Variants in PCLO observed in about 807,000 individuals in gnomAD.
PCLO encodes the protein piccolo presynaptic cytomatrix protein.
In PCLO, 82 loss-of-function variants were observed where a neutral mutation model predicts 427.5. That is an observed-to-expected ratio of 0.19 (90% confidence interval 0.16 to 0.23). The LOEUF (loss-of-function observed/expected upper bound fraction) is 0.23, where lower values mean the gene tolerates loss of function less well. PCLO is among the 10% of genes least tolerant of loss of function. The probability of loss-of-function intolerance (pLI) is 1.00; values close to 1 mark genes in which losing one functional copy is unlikely to be tolerated. For synonymous variants in PCLO, 2,357 were observed against 2,155.4 expected (o/e 1.09, Z -2.59); for missense variants, 6,239 against 6,115.9 (o/e 1.02, Z -0.67).
chr7:82,875,230 T>C (rs1027068591), intron 10 of PCLO, among the ~76,000 whole-genome samples: 5 of 152,126 alleles, frequency 3.3e-5, no homozygotes, highest in Non-Finnish European at 7.4e-5. Flanking sequence ...AACTAAAAAA[T>C]TGGTTCAGGA....
At chr7:82,843,003 A>C (rs2115790757) in intron 13 of PCLO, among the ~76,000 whole-genome samples, 1 of 152,134 alleles carries the variant, frequency 6.6e-6, no homozygotes, top group South Asian at 2.1e-4. Flanking sequence ...GAGGTTCCTC[A>C]AAAAAATTAA....
chr7:82,967,914 T>A (rs980492757), intron 3 of PCLO, among the ~76,000 whole-genome samples: 1 of 152,218 alleles, frequency 6.6e-6, no homozygotes, highest in East Asian at 1.9e-4. Flanking sequence ...ATGCATTACA[T>A]TGTGCTCTGA....
chr7:82,965,873 A>G lies in PCLO; in HGVS notation c.3915T>C (p.Ser1305=), dbSNP rs898410304. ...TTGTCTTATCATCTTCTTTAGGTAA[A>G]CTCTGAGGTGTGCCAGATGGTAAAC... is the stretch of plus-strand genomic sequence containing the variant. ...MEGLPSGTPQ[S]LPKEDDKTTK... is the part of the protein sequence containing the mutation. Residue 1305 remains serine, a synonymous_variant, in exon 4 of 25, where the codon AGT becomes AGC. Coordinates refer to ENST00000333891, the MANE Select transcript of PCLO (RefSeq NM_033026.6). The G allele has an allele frequency of 1.2e-6, 2 of 1,613,502 alleles. No homozygotes were observed. The highest frequency in any genetic ancestry group is 2.7e-5 in the African/African-American group (2 of 74,772).
chr7:82,914,954 A>G lies in PCLO; in HGVS notation c.13032T>C (p.Ile4344=), dbSNP rs1286399719. 6.2e-7 allele frequency: 1 copy of G among 1,613,574 alleles called. No homozygotes were observed. The part of the protein sequence containing the change: ...SARTKPTSLP[I]SQSRGRIPIV... ...TTGGTATTCTTCCTCTACTTTGACT[A>G]ATTGGCAAACTGGTCGGCTTAGTTC... Residue 4344 remains isoleucine (I), a synonymous_variant, in exon 7 of 25, where the codon ATT becomes ATC. Transcript: ENST00000333891.
At position 82,965,937 on chromosome 7, in the gene PCLO, G is replaced by A. The variant is rs758911938; in HGVS notation, c.3851C>T (p.Thr1284Ile). Residue 1284 changes from threonine to isoleucine, a missense_variant, in exon 4 of 25, where the codon ACA (threonine) becomes ATA (isoleucine). Thr to Ile is a moderately conservative substitution (Grantham distance 89, BLOSUM62 -1). Transcript: ENST00000333891. The part of the protein sequence containing the change: ...EKLEGRVAPK[T>I]VQEGKQPQTK... ...CTGTGGTTGTTTCCCTTCTTGCACT[G>A]TCTTTGGAGCCACTCTGCCTTCAAG... 4.3e-6 allele frequency: 7 copies of A among 1,613,904 alleles called. No individual in the cohort carries two copies. Among genetic ancestry groups the A allele is most frequent in the Admixed American group, 3.3e-5 (2 of 60,014 alleles).
At chr7:83,038,015 A>ATATATATC (rs1788847926) in intron 3 of PCLO, among the ~76,000 whole-genome samples, 2 of 47,894 alleles carry the variant, frequency 4.2e-5, no homozygotes, top group South Asian at 1.1e-3. Flanking sequence ...ATATATATAT[A>ATATATATC]TATATATATA....
At chr7:83,137,103 C>A (rs1295537854) in intron 2 of PCLO, among the ~76,000 whole-genome samples, 1 of 152,100 alleles carries the variant, frequency 6.6e-6, no homozygotes, top group African/African-American at 2.4e-5. Flanking sequence ...AGCACAGGCA[C>A]CAGACAAATT....
intron 3 of PCLO, among the ~76,000 whole-genome samples, chr7:83,124,368 A>AG (rs1176535657): frequency 5.3e-5 from 8 of 152,046 alleles, no homozygotes; most frequent in African/African-American, 1.9e-4. Flanking sequence ...AAAAAAAAAA[A>AG]AAAGAGAAAG....
In PCLO at chr7:82,952,199, A is replaced by C. The variant is rs1371044072; in HGVS notation, c.8754T>G (p.Ser2918Arg). 50 of 1,613,632 alleles carry C rather than the reference A, an allele frequency of 3.1e-5. No homozygotes were observed. Among genetic ancestry groups the C allele is most frequent in the Non-Finnish European group, 4.2e-5 (49 of 1,179,834 alleles). The change falls in exon 5 of 25, where the codon AGT becomes AGG. Residue 2918 changes from serine (S) to arginine (R), a missense_variant. Ser to Arg is a moderately radical substitution (Grantham distance 110). Transcript: ENST00000333891. ...CATCTTCTATTATTTTGGTCATCAC[A>C]CTTGAAGTAGACTCATCCATTGTTA... The part of the protein sequence containing the change: ...TVVTMDESTS[S>R]VMTKIIEDEK...
intron 3 of PCLO, among the ~76,000 whole-genome samples, chr7:83,030,116 A>C (rs1788624302): frequency 2.8e-5 from 3 of 106,478 alleles, no homozygotes; most frequent in Non-Finnish European, 6.5e-5. Context: ...TATAATAATA[A>C]AAGAAAAAAA....
chr7:82,763,405 G>A (rs1454244489), intron 22 of PCLO, among the ~76,000 whole-genome samples: 1 of 152,042 alleles, frequency 6.6e-6, no homozygotes, highest in Non-Finnish European at 1.5e-5. Context: ...AACCACGGAG[G>A]TCTGTGAACC....
Position 82,950,462 on chromosome 7 carries a change from C to A in PCLO, c.10126G>T (p.Val3376Phe), listed in dbSNP as rs755305348. 3 of 1,613,668 alleles carry A rather than the reference C, an allele frequency of 1.9e-6. No individual in the cohort carries two copies. The highest frequency in any genetic ancestry group is 2.7e-5 in the African/African-American group (2 of 74,980). The change falls in exon 6 of 25, where the codon GTT becomes TTT. Residue 3376 changes from valine to phenylalanine, a missense_variant. By Grantham distance (50) the Val-to-Phe change is conservative. Transcript: ENST00000333891. The stretch of plus-strand genomic sequence containing the variant: ...TACTGAGTAACACCATCAGACTGAA[C>A]GGTGTACCATCCTTGGCTTTGTGGT... ...EIPQSQGWYT[V>F]QSDGVTQYIA...
At chr7:82,994,973 T>G (rs9642152) in intron 3 of PCLO, among the ~76,000 whole-genome samples, 1 of 151,946 alleles carries the variant, frequency 6.6e-6, no homozygotes, top group Non-Finnish European at 1.5e-5. Flanking sequence ...TTTACTAAGA[T>G]AGCAAGAATA....
chr7:82,954,894 A>G lies in PCLO; in HGVS notation c.6059T>C (p.Leu2020Ser). 6.2e-7 allele frequency: 1 copy of G among 1,613,850 alleles called. No individual in the cohort carries two copies. Among genetic ancestry groups the G allele is most frequent in the Non-Finnish European group, 8.5e-7 (1 of 1,179,806 alleles). Reference sequence around the variant, plus strand: ...ATCTTCCTGAGGCACAACAGAATGTAAGCTTTCTAACTCATAAAACTCTTT... The same window carrying G: ...ATCTTCCTGAGGCACAACAGAATGTGAGCTTTCTAACTCATAAAACTCTTT... ...LQKEFYELES[L>S]HSVVPQEDIV... The change falls in exon 5 of 25, where the codon TTA becomes TCA. Residue 2020 changes from leucine (L) to serine (S), a missense_variant. Around this residue, in one of 5 missense-constraint regions of PCLO, gnomAD observed 4,677 missense variants for 4,468.4 expected, o/e 1.05. Transcript: ENST00000333891.
intron 3 of PCLO, among the ~76,000 whole-genome samples, chr7:83,104,645 T>A (rs938710301): frequency 6.6e-6 from 1 of 152,208 alleles, no homozygotes; most frequent in South Asian, 2.1e-4. Flanking sequence ...TTAAAATATA[T>A]CTATATTTTT....
chr7:82,983,268 T>C (rs1368192009), intron 3 of PCLO, among the ~76,000 whole-genome samples: 1 of 151,130 alleles, frequency 6.6e-6, no homozygotes, highest in African/African-American at 2.4e-5. Flanking sequence ...TATTTTTTAA[T>C]TTTTTTGGTT....
At chr7:82,929,998 A>G (rs904496679) in intron 6 of PCLO, among the ~76,000 whole-genome samples, 2 of 152,206 alleles carry the variant, frequency 1.3e-5, no homozygotes, top group Non-Finnish European at 2.9e-5. Context: ...CAGAGCTTAG[A>G]AAAAGTAATA....
At chr7:82,824,785 T>G (rs920562390) in intron 18 of PCLO, among the ~76,000 whole-genome samples, 1 of 149,334 alleles carries the variant, frequency 6.7e-6, no homozygotes, top group African/African-American at 2.5e-5. Flanking sequence ...CTGCTAAAAA[T>G]ACAAAAAAAA....
At chr7:82,824,466 T>C (rs1428436706) in intron 18 of PCLO, 50 bp from the exon 19 acceptor site, 31 of 1,180,002 alleles carry the variant, frequency 2.6e-5, no homozygotes, top group Non-Finnish European at 3.4e-5. Context: ...AAAGTATAAT[T>C]GATTCATTAC....
Sources: gnomAD v4.1 joint callset for allele counts (sites outside exome capture counted in the v4.1 genomes callset) on GRCh38, gnomAD v4.1.1 for gene constraint, gnomAD v4.1.1 regional missense constraint, MANE v1.5 for transcripts, NCBI Gene and HGNC (gene_info 2026-07-23, HGNC 2026-07-21) for gene names.